PTPN21: variants seen among roughly 807,000 people sequenced by gnomAD.
PTPN21 encodes protein tyrosine phosphatase non-receptor type 21.
In PTPN21, 77 loss-of-function variants were observed where a neutral mutation model predicts 131.8. The observed-to-expected ratio is 0.58, with a 90% CI of 0.49 to 0.71. The LOEUF (loss-of-function observed/expected upper bound fraction) is 0.71. PTPN21 is among the 30% of genes least tolerant of loss of function. PTPN21 has a pLI of 0.00. For missense variants in PTPN21, 1,552 were observed against 1,527.1 expected (o/e 1.02, Z -0.27); for synonymous variants, 715 against 621.3 (o/e 1.15, Z -2.24).
In PTPN21 at chr14:88,466,121, C is replaced by T. The variant is rs1595328675; in HGVS notation, c.*2016G>A. 1.3e-5 allele frequency: 2 copies of T among 151,988 alleles called. No individual in the cohort carries two copies. The highest frequency in any genetic ancestry group is 1.5e-5 in the Non-Finnish European group (1 of 67,998). 9.4% of individuals were successfully genotyped at this position (151,988 alleles called of 1,614,324 possible). On this transcript the variant is annotated 3_prime_UTR_variant, in exon 19 of 19. Coordinates refer to ENST00000556564, the MANE Select transcript of PTPN21 (RefSeq NM_007039.4). ...CTTTTTCTAGAGATGGAAAATAGTT[C>T]CAGTAAAAAGTTCTTATTCCTTTCT...
At chr14:88,522,141 C>T (rs577391691) in intron 2 of PTPN21, among the ~76,000 whole-genome samples, 2 of 152,068 alleles carry the variant, frequency 1.3e-5, no homozygotes, top group South Asian at 2.1e-4. Context: ...GAATGGTGGG[C>T]TTAGGCCGGG....
At position 88,533,455 on chromosome 14, in the gene PTPN21, G is replaced by A. The variant is rs149944358; in HGVS notation, c.181-16194C>T. 3.0e-3 allele frequency among the ~76,000 whole-genome samples: 451 copies of A among 152,246 alleles called. 3 individuals carry two copies. Among genetic ancestry groups the A allele is most frequent in the African/African-American group, 0.01 (435 of 41,534 alleles). ...TGATGCTGGTATAAACAAACCTATC[G>A]TGCTACCAATTGCACAAAAGCACAG... On this transcript the variant is annotated intron_variant, in intron 2 of 18. Transcript: ENST00000556564.
At chr14:88,534,401 T>A (rs1482217984) in intron 2 of PTPN21, among the ~76,000 whole-genome samples, 1 of 151,338 alleles carries the variant, frequency 6.6e-6, no homozygotes, top group Non-Finnish European at 1.5e-5. Context: ...AAAAAAAGTT[T>A]AAAAAGTAAA....
At chr14:88,475,975 T>A (rs2077542178) in intron 13 of PTPN21, among the ~76,000 whole-genome samples, 1 of 152,222 alleles carries the variant, frequency 6.6e-6, no homozygotes, top group Non-Finnish European at 1.5e-5. Context: ...ATGCATACCC[T>A]GCACAGTGAT....
At position 88,485,828 on chromosome 14, in the gene PTPN21, A is replaced by T; in HGVS notation, c.947T>A (p.Val316Asp). The T allele has an allele frequency of 6.2e-7, 1 of 1,607,660 alleles. No individual in the cohort carries two copies. Residue 316 changes from valine to aspartate, a missense_variant, in exon 11 of 19, where the codon GTC becomes GAC. This residue lies in a region of PTPN21 where 1,016 missense variants were observed against 883.5 expected (regional missense o/e 1.15). Transcript: ENST00000556564. ...LNQCNLQTQT[V>D]TVNPIRRRSS... The stretch of plus-strand genomic sequence containing the variant: ...CCTCCTCCTGATTGGGTTCACTGTG[A>T]CAGTCTGAGTTTGCCTATAAAATAG...
At chr14:88,504,158 C>G (rs1387412480) in intron 6 of PTPN21, among the ~76,000 whole-genome samples, 2 of 152,156 alleles carry the variant, frequency 1.3e-5, no homozygotes, top group Non-Finnish European at 2.9e-5. Context: ...CCTTCAATGA[C>G]TGGCTGCTTT....
chr14:88,496,052 T>C (rs1312139677), intron 10 of PTPN21, among the ~76,000 whole-genome samples: 8 of 152,122 alleles, frequency 5.3e-5, no homozygotes, highest in Admixed American at 1.3e-4. Flanking sequence ...AAGAAACCCA[T>C]GTGGGCTAAG....
chr14:88,547,704 T>C (rs559821992), intron 2 of PTPN21: 10 of 453,924 alleles, frequency 2.2e-5, no homozygotes, highest in Admixed American at 2.1e-4. Flanking sequence ...GGCCTGCTGT[T>C]CTGGTTTTCT....
intron 2 of PTPN21, among the ~76,000 whole-genome samples, chr14:88,524,042 C>T (rs948755841): frequency 6.6e-6 from 1 of 152,070 alleles, no homozygotes. Flanking sequence ...TGTTAAGGTG[C>T]AGTACTACCC....
rs543793425 is a variant in PTPN21 at position 88,533,934 on chromosome 14, C to T, written c.180+16304G>A. On this transcript the variant is annotated intron_variant, in intron 2 of 18. Coordinates refer to ENST00000556564, the MANE Select transcript of PTPN21 (RefSeq NM_007039.4). ...GGTTTCCAGAAGAAGGCATTGTTAT[C>T]ATAGGGGATGACAGAGCCATGCATG... 2.0e-5 allele frequency among the ~76,000 whole-genome samples: 3 copies of T among 152,198 alleles called. No homozygotes were observed. The East Asian group carries it at 5.8e-4, about 29-fold the overall frequency.
chr14:88,506,028 T>C (rs1363288352), intron 4 of PTPN21, among the ~76,000 whole-genome samples: 3 of 152,136 alleles, frequency 2.0e-5, no homozygotes, highest in Non-Finnish European at 4.4e-5. Context: ...CAGTTATTGT[T>C]TGAAATAATG....
At chr14:88,518,273 T>TATATATATATATATAC (rs763756368) in intron 2 of PTPN21, among the ~76,000 whole-genome samples, 6 of 68,240 alleles carry the variant, frequency 8.8e-5, no homozygotes, top group African/African-American at 4.3e-4. Flanking sequence ...TATATATATA[T>TATATATATATATATAC]ACACACACAC....
At position 88,525,217 on chromosome 14, in the gene PTPN21, G is replaced by A. The variant is rs573190399; in HGVS notation, c.181-7956C>T. ...GATTGTGCCACTGCACTTCAACCTG[G>A]GCAACAGAGCAAGACCCTGTCTCAA... On this transcript the variant is annotated intron_variant, in intron 2 of 18. Coordinates refer to ENST00000556564, the MANE Select transcript of PTPN21 (RefSeq NM_007039.4). Among the ~76,000 whole-genome samples, 5 of 151,854 alleles carry A rather than the reference G, an allele frequency of 3.3e-5. No homozygotes were observed. In the East Asian group the frequency reaches 9.7e-4, roughly 29 times the overall value.
chr14:88,531,045 C>G (rs1324868376), intron 2 of PTPN21, among the ~76,000 whole-genome samples: 1 of 152,060 alleles, frequency 6.6e-6, no homozygotes, highest in African/African-American at 2.4e-5. Flanking sequence ...GGCCACAAAA[C>G]AAGGCTCAAC....
chr14:88,493,877 A>G (rs2077863543), intron 10 of PTPN21, among the ~76,000 whole-genome samples: 1 of 152,122 alleles, frequency 6.6e-6, no homozygotes, highest in South Asian at 2.1e-4. Flanking sequence ...AGCTCTTAAC[A>G]CCTGTATCTA....
At position 88,496,400 on chromosome 14, in the gene PTPN21, A is replaced by G. The variant is rs2077917067; in HGVS notation, c.932+13T>C. 1 of 1,585,758 alleles carries G rather than the reference A, an allele frequency of 6.3e-7. No individual in the cohort carries two copies. Among genetic ancestry groups the G allele is most frequent in the African/African-American group, 1.3e-5 (1 of 74,272 alleles). ...ATTATTTTTGATAATTTCCATGAGC[A>G]GGACATACTTACAGGTTACACTGGT... On this transcript the variant is annotated intron_variant, in intron 10 of 18. Transcript: ENST00000556564.
chr14:88,486,601 A>G (rs2077736489), intron 10 of PTPN21, among the ~76,000 whole-genome samples: 1 of 152,164 alleles, frequency 6.6e-6, no homozygotes, highest in Non-Finnish European at 1.5e-5. Context: ...GCAAAGCACA[A>G]GACTTGGTTC....
chr14:88,549,986 A>T (rs917051471), intron 2 of PTPN21, among the ~76,000 whole-genome samples: 1 of 152,010 alleles, frequency 6.6e-6, no homozygotes, highest in Non-Finnish European at 1.5e-5. Flanking sequence ...GGGTTTCACC[A>T]TATTGGCCAG....
chr14:88,501,412 A>G, intron 6 of PTPN21, 44 bp from the exon 7 acceptor site: 1 of 1,492,052 alleles, frequency 6.7e-7, no homozygotes, highest in Non-Finnish European at 9.3e-7. Flanking sequence ...GCAAGCTTAA[A>G]ATGGTTTAAA....
Sources: allele counts gnomAD v4.1 joint callset (sites outside exome capture counted in the v4.1 genomes callset), GRCh38; gene constraint gnomAD v4.1.1; regional missense constraint gnomAD v4.1.1; transcripts MANE v1.5; gene names NCBI Gene and HGNC (gene_info 2026-07-23, HGNC 2026-07-21).